Variants in SORL1 observed in about 807,000 individuals in gnomAD.
SORL1 encodes sortilin related receptor 1.
Under a neutral mutation model 273.7 loss-of-function variants are expected in SORL1, and 127 were observed. That is an observed-to-expected ratio of 0.46 (90% CI 0.40 to 0.54). The LOEUF (loss-of-function observed/expected upper bound fraction) is 0.54, where lower values mean the gene tolerates loss of function less well. Ranked by LOEUF, SORL1 falls within the 20% of genes least tolerant of loss-of-function variation. SORL1 has a pLI of 0.00. For synonymous variants in SORL1, 1,031 were observed against 1,067.4 expected (o/e 0.97, Z 0.66); for missense variants, 2,494 against 2,846.1 (o/e 0.88, Z 2.81).
intron 5 of SORL1, among the ~76,000 whole-genome samples, chr11:121,490,623 C>T (rs1565313352): frequency 6.6e-6 from 1 of 151,766 alleles, no homozygotes; most frequent in African/African-American, 2.4e-5. Flanking sequence ...GCCTATAAAT[C>T]CCAGCTACTT....
chr11:121,529,175 A>T (rs539429033), intron 11 of SORL1, among the ~76,000 whole-genome samples: 2 of 152,100 alleles, frequency 1.3e-5, no homozygotes, highest in Non-Finnish European at 1.5e-5. Flanking sequence ...ATTTTATCTG[A>T]TATTAAAATA....
Position 121,513,023 on chromosome 11 carries a change from G to A in SORL1, c.960G>A (p.Gln320=). 6.2e-7 allele frequency: 1 copy of A among 1,614,004 alleles called. No homozygotes were observed. The highest frequency in any genetic ancestry group is 8.5e-7 in the Non-Finnish European group (1 of 1,179,912). ...GGCAGCATCTCTTGGGCAGTGAACA[G>A]CAGTCTTCTGTCCAGCTCTGGGTCT... ...TKVVHLLGSE[Q]QSSVQLWVSF... The change falls in exon 7 of 48, where the codon CAG becomes CAA. Residue 320 remains glutamine, a synonymous_variant. Transcript: ENST00000260197.
chr11:121,632,234 G>A lies in SORL1; in HGVS notation c.*2671G>A, dbSNP rs1012228267. 2.0e-5 allele frequency: 3 copies of A among 152,160 alleles called. No homozygotes were observed. Among genetic ancestry groups the A allele is most frequent in the Non-Finnish European group, 4.4e-5 (3 of 68,052 alleles). 9.4% of individuals were successfully genotyped at this position (152,160 alleles called of 1,614,324 possible). A position where few individuals can be genotyped will look rare whatever the true frequency, so the allele number is the denominator to read the frequency against. On this transcript the variant is annotated 3_prime_UTR_variant, in exon 48 of 48. Transcript: ENST00000260197. Reference sequence around the variant, plus strand: ...GCCTCTAAAAATTGGTGGGCAGGGGGTTTGCTTATGAGTTTTCTCTGGAAA... The same window carrying A: ...GCCTCTAAAAATTGGTGGGCAGGGGATTTGCTTATGAGTTTTCTCTGGAAA...
intron 24 of SORL1, among the ~76,000 whole-genome samples, chr11:121,576,081 G>A (rs191963969): frequency 3.3e-5 from 5 of 152,320 alleles, no homozygotes; most frequent in East Asian, 3.9e-4. Context: ...TGGGCCCCAC[G>A]CTTGGCTGCT....
chr11:121,494,822 C>T (rs892709884), intron 5 of SORL1, among the ~76,000 whole-genome samples: 1 of 152,116 alleles, frequency 6.6e-6, no homozygotes, highest in African/African-American at 2.4e-5. Flanking sequence ...AAGGTTCCTT[C>T]CTCTCTGCCG....
chr11:121,495,972 A>T (rs1389369470), intron 5 of SORL1, among the ~76,000 whole-genome samples: 1 of 152,238 alleles, frequency 6.6e-6, no homozygotes, highest in East Asian at 1.9e-4. Flanking sequence ...TCTAAGAGGC[A>T]TTACTGCATA....
intron 30 of SORL1, chr11:121,590,725 C>T (rs774408644): frequency 2.1e-5 from 14 of 673,898 alleles, no homozygotes; most frequent in Non-Finnish European, 3.0e-5. Context: ...CTGTTTCTTT[C>T]ACCAGCCCCT....
intron 11 of SORL1, among the ~76,000 whole-genome samples, chr11:121,523,621 A>G (rs1862074249): frequency 6.6e-6 from 1 of 152,138 alleles, no homozygotes; most frequent in Non-Finnish European, 1.5e-5. Context: ...TGTAAAAAAA[A>G]AAAAAAGTTG....
intron 18 of SORL1, among the ~76,000 whole-genome samples, chr11:121,555,611 TTAC>T: frequency 6.6e-6 from 1 of 152,258 alleles, no homozygotes; most frequent in South Asian, 2.1e-4. Context: ...TTGTTTTATT[TTAC>T]TACTTTTATT....
intron 47 of SORL1, among the ~76,000 whole-genome samples, chr11:121,628,013 C>G (rs960610241): frequency 6.6e-6 from 1 of 151,976 alleles, no homozygotes; most frequent in African/African-American, 2.4e-5. Context: ...GGGAGCTTGC[C>G]CCAGGCCTTG....
At chr11:121,469,660 A>G (rs569454566) in intron 1 of SORL1, among the ~76,000 whole-genome samples, 1 of 152,354 alleles carries the variant, frequency 6.6e-6, no homozygotes, top group Admixed American at 6.5e-5. Context: ...CTTTGGTTTA[A>G]AATCTTACCA....
In SORL1 at chr11:121,604,850, T is replaced by G. The variant is rs1441695625; in HGVS notation, c.4652-263T>G. On this transcript the variant is annotated intron_variant, in intron 33 of 47. Coordinates refer to ENST00000260197, the MANE Select transcript of SORL1 (RefSeq NM_003105.6). The stretch of plus-strand genomic sequence containing the variant: ...GAGATTTCTTTTCAGATAATGATTA[T>G]GGCCTCCTGATAATCTAGATCATGG... Among the ~76,000 whole-genome samples the G allele has an allele frequency of 3.3e-5, 5 of 152,234 alleles. No individual in the cohort carries two copies. The East Asian group carries it at 9.6e-4, about 29-fold the overall frequency.
intron 37 of SORL1, among the ~76,000 whole-genome samples, chr11:121,607,651 A>G (rs978794550): frequency 1.3e-5 from 2 of 152,108 alleles, no homozygotes; most frequent in Non-Finnish European, 2.9e-5. Flanking sequence ...GTCTTTCTAA[A>G]CTGATTTTAT....
chr11:121,487,416 G>A (rs2134809888), intron 3 of SORL1, among the ~76,000 whole-genome samples: 1 of 152,336 alleles, frequency 6.6e-6, no homozygotes, highest in Non-Finnish European at 1.5e-5. Flanking sequence ...GTAGGATGAG[G>A]CCCGTGCTCA....
chr11:121,629,492 C>T lies in SORL1; in HGVS notation c.6578-4C>T, dbSNP rs149409655. ...TCACCAAGGCCTGACTGTTTTGTCT[C>T]TAGGGGAAGATGATGAAGATGCCCC... On this transcript the variant is annotated splice_region_variant and splice_polypyrimidine_tract_variant and intron_variant, in intron 47 of 47. Transcript: ENST00000260197. 21 of 1,535,248 alleles carry T rather than the reference C, an allele frequency of 1.4e-5. No homozygotes were observed. The African/African-American group carries it at 2.6e-4, about 19-fold the overall frequency.
chr11:121,530,447 C>T (rs1228220446), intron 11 of SORL1, among the ~76,000 whole-genome samples: 1 of 152,108 alleles, frequency 6.6e-6, no homozygotes, highest in Admixed American at 6.5e-5. Context: ...AATTTTCTTC[C>T]AGTACTTTAA....
At chr11:121,496,759 G>A (rs1433526791) in intron 5 of SORL1, 110 bp from the exon 6 acceptor site, 2 of 826,728 alleles carry the variant, frequency 2.4e-6, no homozygotes, top group African/African-American at 1.7e-5. Flanking sequence ...TGATCTGTGG[G>A]TCACACCATG....
In SORL1 at chr11:121,550,824, T is replaced by A. The variant is rs750322503; in HGVS notation, c.2266+154T>A. Among the ~76,000 whole-genome samples, 7 of 152,236 alleles carry A rather than the reference T, an allele frequency of 4.6e-5. No homozygotes were observed. The highest frequency in any genetic ancestry group is 7.3e-5 in the Non-Finnish European group (5 of 68,038). On this transcript the variant is annotated intron_variant, in intron 16 of 47. Coordinates refer to ENST00000260197, the MANE Select transcript of SORL1 (RefSeq NM_003105.6). The surrounding 1 kb of genome is among the most constrained non-coding windows in gnomAD (Gnocchi z 5.3). ...CAGGGCTTCCTCTTTTCCCTAAGGT[T>A]GGTTTCCACACTGAACTTGTACATA... is the stretch of plus-strand genomic sequence containing the variant.
Position 121,514,333 on chromosome 11 carries a change from G to C in SORL1, c.1211+12G>C, listed in dbSNP as rs1478192203. On this transcript the variant is annotated intron_variant, in intron 8 of 47. Transcript: ENST00000260197. ...GACACCTTGGTGAGGTAAGGAGACTGTGAGTCCTTCTCCTGCCTTCTTAGG... is the reference window on the plus strand; with the variant it reads ...GACACCTTGGTGAGGTAAGGAGACTCTGAGTCCTTCTCCTGCCTTCTTAGG... 6.2e-7 allele frequency: 1 copy of C among 1,607,116 alleles called. No homozygotes were observed. The highest frequency in any genetic ancestry group is 8.5e-7 in the Non-Finnish European group (1 of 1,176,932).
Sources: allele counts gnomAD v4.1 joint callset (sites outside exome capture counted in the v4.1 genomes callset), GRCh38; gene constraint gnomAD v4.1.1; non-coding constraint Gnocchi (gnomAD v3.1); transcripts MANE v1.5; gene names NCBI Gene and HGNC (gene_info 2026-07-23, HGNC 2026-07-21).